PITPNA: variants seen among roughly 807,000 people sequenced by gnomAD.
The protein encoded by PITPNA is phosphatidylinositol transfer protein alpha, also known as phosphatidylinositol transfer protein alpha isoform.
PITPNA carries 13 observed loss-of-function variants against 50.3 expected under a neutral mutation model. The observed-to-expected ratio is 0.26, with a 90% CI of 0.17 to 0.41. PITPNA has a LOEUF of 0.41. PITPNA is among the 10% of genes least tolerant of loss of function. The pLI, the probability that PITPNA is intolerant of heterozygous loss-of-function variation, is 1.00. For missense variants in PITPNA, 207 were observed against 333.4 expected (o/e 0.62, Z 2.95); for synonymous variants, 120 against 119.6 (o/e 1.00, Z -0.02).
intron 8 of PITPNA, 58 bp from the exon 9 acceptor site, chr17:1,535,350 C>T (rs1245575775): frequency 1.4e-6 from 2 of 1,477,874 alleles, no homozygotes; most frequent in East Asian, 4.5e-5. Context: ...CTCAGGCCGT[C>T]CCCAGCTCAC....
intron 4 of PITPNA, among the ~76,000 whole-genome samples, chr17:1,546,136 C>T (rs1396540755): frequency 3.3e-5 from 5 of 151,884 alleles, no homozygotes; most frequent in Admixed American, 3.3e-4. Context: ...ACCAAGTTAG[C>T]CAGGCCGGTC....
At chr17:1,525,504 C>CTTTTT (rs11329480) in intron 10 of PITPNA, among the ~76,000 whole-genome samples, 253 of 101,708 alleles carry the variant, frequency 2.5e-3, no homozygotes, top group East Asian at 3.5e-3. Context: ...CACTGGGAAA[C>CTTTTT]TTTTTTTTTT....
At chr17:1,542,702 C>T (rs1488174970) in intron 5 of PITPNA, among the ~76,000 whole-genome samples, 1 of 152,156 alleles carries the variant, frequency 6.6e-6, no homozygotes, top group African/African-American at 2.4e-5. Flanking sequence ...GAAGGGATGT[C>T]GGTCAGGTCA....
chr17:1,519,062 TC>T lies in PITPNA; in HGVS notation c.*1498del, dbSNP rs142059189. 7,606 of 152,486 alleles carry T rather than the reference TC, an allele frequency of 0.05. 230 individuals carry two copies. The highest frequency in any genetic ancestry group is 0.074 in the Non-Finnish European group (5,061 of 68,020). 9.4% of individuals were successfully genotyped at this position (152,486 alleles called of 1,614,324 possible). Reference sequence around the variant, plus strand: ...GCCCCAGGAGGGCCACAGGGAAGCATCCATCAGGATGTCACAGGTGCAATCC... The same window carrying T: ...GCCCCAGGAGGGCCACAGGGAAGCATCATCAGGATGTCACAGGTGCAATCC... On this transcript the variant is annotated 3_prime_UTR_variant, in exon 12 of 12. Transcript: ENST00000313486.
intron 3 of PITPNA, among the ~76,000 whole-genome samples, chr17:1,550,205 C>T (rs1442904436): frequency 2.6e-5 from 4 of 152,148 alleles, no homozygotes; most frequent in Non-Finnish European, 5.9e-5. Context: ...TGGCTCCCAC[C>T]CTCAAGGAGT....
At chr17:1,553,432 G>C (rs9896458) in intron 2 of PITPNA, among the ~76,000 whole-genome samples, 5,145 of 152,058 alleles carry the variant, frequency 0.034, 258 homozygotes, top group African/African-American at 0.11. Flanking sequence ...GTAGAGACAG[G>C]GTCTTGCTAT....
At chr17:1,537,134 G>A (rs1471102943) in intron 7 of PITPNA, among the ~76,000 whole-genome samples, 5 of 151,862 alleles carry the variant, frequency 3.3e-5, no homozygotes, top group Non-Finnish European at 5.9e-5. Context: ...CATGATCTCG[G>A]CTCACTGCAA....
At chr17:1,548,273 G>A (rs537618711) in intron 4 of PITPNA, 23 bp downstream of exon 4, 5 of 1,536,868 alleles carry the variant, frequency 3.3e-6, no homozygotes, top group East Asian at 2.3e-5. Flanking sequence ...CTGCCTGGCC[G>A]ACGTGGCCCC....
At chr17:1,547,849 C>G (rs1244095573) in intron 4 of PITPNA, among the ~76,000 whole-genome samples, 1 of 151,872 alleles carries the variant, frequency 6.6e-6, no homozygotes, top group African/African-American at 2.4e-5. Flanking sequence ...AAAAAATTAG[C>G]CAGGCGTGGC....
Position 1,535,426 on chromosome 17 carries a change from AG to A in PITPNA, c.534+14del, listed in dbSNP as rs767241463. ...ATGCTGCCCAGCCCCCTGGCAGTGAAGGTGTGAATGGTACCTTCCAATTGGG... is the reference window on the plus strand; with the variant it reads ...ATGCTGCCCAGCCCCCTGGCAGTGAAGTGTGAATGGTACCTTCCAATTGGG... On this transcript the variant is annotated intron_variant, in intron 8 of 11. Coordinates refer to ENST00000313486, the MANE Select transcript of PITPNA (RefSeq NM_006224.4). The A allele has an allele frequency of 6.2e-7, 1 of 1,602,408 alleles. No individual in the cohort carries two copies. The highest frequency in any genetic ancestry group is 1.1e-5 in the South Asian group (1 of 90,816).
chr17:1,555,790 C>T (rs2075732168), intron 2 of PITPNA, among the ~76,000 whole-genome samples: 1 of 152,166 alleles, frequency 6.6e-6, no homozygotes, highest in Non-Finnish European at 1.5e-5. Context: ...TGAAGCAGCC[C>T]GGCCGACCTG....
At position 1,562,523 on chromosome 17, in the gene PITPNA, C is replaced by A. The variant is rs1270011426; in HGVS notation, c.20+18G>T. The A allele has an allele frequency of 1.4e-6, 2 of 1,430,776 alleles. No homozygotes were observed. The highest frequency in any genetic ancestry group is 4.6e-5 in the Admixed American group (2 of 43,500). The allele number at this position is 1,430,776 out of a possible 1,614,324, so 88.6% of individuals were successfully genotyped here. ...ACCCTCCCTCCTCCCCGCTTCCGCA[C>A]GGCCGCCGGACACTCACTACTCCTT... On this transcript the variant is annotated intron_variant, in intron 1 of 11. Coordinates refer to ENST00000313486, the MANE Select transcript of PITPNA (RefSeq NM_006224.4). This position sits in a 1 kb window ranked among gnomAD's most constrained non-coding sequence, Gnocchi z 6.4.
At chr17:1,534,671 G>T (rs2075604038) in intron 9 of PITPNA, among the ~76,000 whole-genome samples, 1 of 152,228 alleles carries the variant, frequency 6.6e-6, no homozygotes, top group South Asian at 2.1e-4. Context: ...GCCCAGCAGA[G>T]TAATTCAGGG....
intron 6 of PITPNA, among the ~76,000 whole-genome samples, chr17:1,540,220 G>A (rs920050832): frequency 6.6e-5 from 10 of 151,968 alleles, no homozygotes; most frequent in African/African-American, 1.9e-4. Context: ...TAGAGATGGC[G>A]TCTGTTTAGC....
At chr17:1,533,324 G>T (rs2075595302) in intron 10 of PITPNA, among the ~76,000 whole-genome samples, 1 of 152,178 alleles carries the variant, frequency 6.6e-6, no homozygotes, top group African/African-American at 2.4e-5. Context: ...CATATCACCT[G>T]CAAGACGGTG....
At chr17:1,524,266 C>G (rs62087962) in intron 10 of PITPNA, among the ~76,000 whole-genome samples, 64,296 of 149,294 alleles carry the variant, frequency 0.43, 13,953 homozygotes, top group East Asian at 0.55. Context: ...GGATGGTCTC[C>G]ATGTCCTGAC....
chr17:1,554,227 C>A (rs139958341), intron 2 of PITPNA, among the ~76,000 whole-genome samples: 1 of 151,966 alleles, frequency 6.6e-6, no homozygotes, highest in Non-Finnish European at 1.5e-5. Context: ...TCTTTCCTAC[C>A]GCTGCCGGTG....
intron 1 of PITPNA, chr17:1,561,349 C>T (rs1324568701): frequency 6.6e-6 from 1 of 152,272 alleles, no homozygotes; most frequent in South Asian, 2.1e-4. Flanking sequence ...CCACGCACCC[C>T]TCTTCACTAC....
intron 10 of PITPNA, among the ~76,000 whole-genome samples, chr17:1,526,805 C>T (rs2075550989): frequency 1.3e-5 from 2 of 152,196 alleles, no homozygotes; most frequent in Admixed American, 6.5e-5. Flanking sequence ...TGCTCTGTCA[C>T]CCAGGCTAGA....
Sources: allele counts gnomAD v4.1 joint callset (sites outside exome capture counted in the v4.1 genomes callset), GRCh38; gene constraint gnomAD v4.1.1; non-coding constraint Gnocchi (gnomAD v3.1); transcripts MANE v1.5; gene names NCBI Gene and HGNC (gene_info 2026-07-23, HGNC 2026-07-21).